The following ZNF467 variants were observed in gnomAD, a reference collection of about 807,000 sequenced individuals.
ZNF467 encodes zinc finger protein EZI.
ZNF467 carries 51 observed loss-of-function variants against 47.8 expected under a neutral mutation model. The ratio of observed to expected loss-of-function variants is 1.07; its 90% confidence interval spans 0.85 to 1.35. The LOEUF (loss-of-function observed/expected upper bound fraction) is 1.35, where lower values mean the gene tolerates loss of function less well. Ranked by LOEUF, ZNF467 falls within the 40% of genes most tolerant of loss-of-function variation. The pLI is 0.00. For missense variants in ZNF467, 992 were observed against 858.1 expected, an observed-to-expected ratio of 1.16 and a Z score of -1.95; for synonymous variants, 416 against 372.9, an observed-to-expected ratio of 1.12 and a Z score of -1.33.
intron 2 of ZNF467, 107 bp downstream of exon 2, chr7:149,770,892 G>A (rs1799381001): frequency 3.5e-6 from 5 of 1,418,666 alleles, no homozygotes; most frequent in Admixed American, 3.5e-5. Context: ...CAGGCCCCTG[G>A]GGCCTCAGGG....
rs1799079795 is a variant in ZNF467 at position 149,764,552 on chromosome 7, T to A, written c.*162A>T. 1 of 1,311,108 alleles carries A rather than the reference T, an allele frequency of 7.6e-7. No homozygotes were observed. Among genetic ancestry groups the A allele is most frequent in the South Asian group, 1.3e-5 (1 of 79,554 alleles). The allele number at this position is 1,311,108 out of a possible 1,614,324, so 81.2% of individuals were successfully genotyped here. A position where few individuals can be genotyped will look rare whatever the true frequency, so the allele number is the denominator to read the frequency against. On this transcript the variant is annotated 3_prime_UTR_variant, in exon 5 of 5. Coordinates refer to ENST00000302017, the MANE Select transcript of ZNF467 (RefSeq NM_207336.3). ...AGTCTCTGTCCTAGGAGGTCCGAGCTGGGTATGCTGTGCGGACGCAGACAC... is the reference window on the plus strand; with the variant it reads ...AGTCTCTGTCCTAGGAGGTCCGAGCAGGGTATGCTGTGCGGACGCAGACAC...
In ZNF467 at chr7:149,765,975, C is replaced by G. The variant is rs1252173262; in HGVS notation, c.527G>C (p.Arg176Pro). The G allele has an allele frequency of 1.9e-6, 3 of 1,554,538 alleles. No individual in the cohort carries two copies. Among genetic ancestry groups the G allele is most frequent in the Non-Finnish European group, 2.6e-6 (3 of 1,149,982 alleles). Reference protein sequence around the residue: ...ERRFRDQLTLRLHQRLHRGEG... With the variant: ...ERRFRDQLTLPLHQRLHRGEG... ...GCCCCGGTGCAGCCGCTGGTGCAGT[C>G]GCAACGTCAGCTGGTCCCGGAAGCG... Residue 176 changes from arginine to proline, a missense_variant, in exon 5 of 5, where the codon CGA (arginine) becomes CCA (proline). Physicochemically the swap from Arg to Pro is moderately radical, Grantham distance 103. Coordinates refer to ENST00000302017, the MANE Select transcript of ZNF467 (RefSeq NM_207336.3).
chr7:149,765,448 G>A lies in ZNF467; in HGVS notation c.1054C>T (p.Pro352Ser), dbSNP rs1198325441. The A allele has an allele frequency of 1.9e-6, 3 of 1,582,480 alleles. No homozygotes were observed. The highest frequency in any genetic ancestry group is 2.6e-6 in the Non-Finnish European group (3 of 1,165,196). Reference sequence around the variant, plus strand: ...CAGTCGGAGCACGCGAAAGGCTTTGGCCCGGGAAAGGATGGGGTCGGGGAC... The same window carrying A: ...CAGTCGGAGCACGCGAAAGGCTTTGACCCGGGAAAGGATGGGGTCGGGGAC... ...APSPTPSFPG[P>S]KPFACSDCGL... The change falls in exon 5 of 5, where the codon CCA becomes TCA. Residue 352 changes from proline (P) to serine (S), a missense_variant. By Grantham distance (74) the Pro-to-Ser change is moderately conservative. Transcript: ENST00000302017.
rs1283989626 is a variant in ZNF467 at position 149,770,570 on chromosome 7, A to T, written c.35-14T>A. 1 of 1,605,444 alleles carries T rather than the reference A, an allele frequency of 6.2e-7. No individual in the cohort carries two copies. Among genetic ancestry groups the T allele is most frequent in the Non-Finnish European group, 8.5e-7 (1 of 1,173,596 alleles). The stretch of plus-strand genomic sequence containing the variant: ...CCACAGAGAATCCTGTTACAGGCAG[A>T]AGGATGGGTCCAAGTAAAGCATCCA... On this transcript the variant is annotated splice_polypyrimidine_tract_variant and intron_variant, in intron 2 of 4. Transcript: ENST00000302017.
chr7:149,768,555 C>A (rs1212004021), intron 4 of ZNF467, among the ~76,000 whole-genome samples: 1 of 152,164 alleles, frequency 6.6e-6, no homozygotes, highest in Non-Finnish European at 1.5e-5. Context: ...TAAATGATAT[C>A]CCTCAGGCAA....
chr7:149,775,977 G>A, upstream of ZNF467: 15 of 1,260,680 alleles, frequency 1.2e-5, no homozygotes, highest in South Asian at 1.8e-4. Context: ...TGCCCTCTCT[G>A]CAGCATTGCC....
chr7:149,765,958 G>A lies in ZNF467; in HGVS notation c.544C>T (p.His182Tyr), dbSNP rs781157565. 1.4e-5 allele frequency: 22 copies of A among 1,552,428 alleles called. No individual in the cohort carries two copies. Among genetic ancestry groups the A allele is most frequent in the Non-Finnish European group, 1.5e-5 (17 of 1,149,144 alleles). ...CAGGCGCAGGGGCCCTCGCCCCGGT[G>A]CAGCCGCTGGTGCAGTCGCAACGTC... ...QLTLRLHQRLHRGEGPCACPD... is the reference protein window; with the variant it reads ...QLTLRLHQRLYRGEGPCACPD... Residue 182 changes from histidine to tyrosine, a missense_variant, in exon 5 of 5, where the codon CAC (histidine) becomes TAC (tyrosine). Transcript: ENST00000302017.
chr7:149,765,233 G>A lies in ZNF467; in HGVS notation c.1269C>T (p.Arg423=). The part of the protein sequence containing the change: ...GPGSDPVVPQ[R]APSGERSFFC... ...AGAAGGACCGCTCGCCCGAGGGGGC[G>A]CGCTGGGGCACCACGGGATCGGATC... The change falls in exon 5 of 5, where the codon CGC becomes CGT. Residue 423 remains arginine, a synonymous_variant. Transcript: ENST00000302017. 1 of 1,470,206 alleles carries A rather than the reference G, an allele frequency of 6.8e-7. No homozygotes were observed. The highest frequency in any genetic ancestry group is 9.0e-7 in the Non-Finnish European group (1 of 1,113,558). The allele number at this position is 1,470,206 out of a possible 1,614,324, so 91.1% of individuals were successfully genotyped here. A position where few individuals can be genotyped will look rare whatever the true frequency, so the allele number is the denominator to read the frequency against.
In ZNF467 at chr7:149,765,013, TGAAGCGGCGGCCGCACTGAGCGCAGGC is replaced by T. The variant is rs745935698; in HGVS notation, c.1462_1488del (p.Ala488_Phe496del). The T allele has an allele frequency of 1.3e-6, 2 of 1,581,354 alleles. No homozygotes were observed. Among genetic ancestry groups the T allele is most frequent in the Non-Finnish European group, 1.7e-6 (2 of 1,169,494 alleles). Reference sequence around the variant, plus strand: ...TGGCGGCCCAGGTGCGACTTGCGGCTGAAGCGGCGGCCGCACTGAGCGCAGGCGAAAGGCCTGGCGCCGCTGTGGGCC... The same window carrying T: ...TGGCGGCCCAGGTGCGACTTGCGGCTGAAAGGCCTGGCGCCGCTGTGGGCC... On this transcript the variant is annotated inframe_deletion, in exon 5 of 5. Transcript: ENST00000302017.
At position 149,764,306 on chromosome 7, in the gene ZNF467, C is replaced by G; in HGVS notation, c.*408G>C. 1.0e-4 allele frequency: 44 copies of G among 421,038 alleles called. No homozygotes were observed. In the South Asian group the frequency reaches 1.1e-3, roughly 10 times the overall value. 26.1% of individuals were successfully genotyped at this position (421,038 alleles called of 1,614,324 possible). ...GGTCTGTGTGTGGATGGAGGTGGGACAGTGGCTAAGGAGAGTCAGGTGTTC... is the reference window on the plus strand; with the variant it reads ...GGTCTGTGTGTGGATGGAGGTGGGAGAGTGGCTAAGGAGAGTCAGGTGTTC... On this transcript the variant is annotated 3_prime_UTR_variant, in exon 5 of 5. Transcript: ENST00000302017.
chr7:149,765,089 C>A lies in ZNF467; in HGVS notation c.1413G>T (p.Arg471=), dbSNP rs780979696. 1 of 1,469,992 alleles carries A rather than the reference C, an allele frequency of 6.8e-7. No individual in the cohort carries two copies. Among genetic ancestry groups the A allele is most frequent in the Admixed American group, 2.5e-5 (1 of 40,124 alleles). 91.1% of individuals were successfully genotyped at this position (1,469,992 alleles called of 1,614,324 possible). A position where few individuals can be genotyped will look rare whatever the true frequency, so the allele number is the denominator to read the frequency against. The stretch of plus-strand genomic sequence containing the variant: ...CCCTGGAGTGGGCGACCAGATTAGG[C>A]CGCGAGCCGAAGCGGCGGTCACACT... The part of the protein sequence containing the change: ...CTQCDRRFGS[R]PNLVAHSRAH... The change falls in exon 5 of 5, where the codon CGG becomes CGT. Residue 471 remains arginine, a synonymous_variant. Transcript: ENST00000302017.
At position 149,769,070 on chromosome 7, in the gene ZNF467, G is replaced by A. The variant is rs376640503; in HGVS notation, c.262+20C>T. ...CCTTGGCCTGAGCCCGTGGTGGGAT[G>A]AAGTGATGGGAAGACTCACCTGGGC... On this transcript the variant is annotated intron_variant, in intron 4 of 4. Transcript: ENST00000302017. This position sits in a 1 kb window ranked among gnomAD's most constrained non-coding sequence, Gnocchi z 5.3. 5.4e-5 allele frequency: 82 copies of A among 1,530,234 alleles called. No homozygotes were observed. Among genetic ancestry groups the A allele is most frequent in the Non-Finnish European group, 7.0e-5 (80 of 1,137,316 alleles). The allele number at this position is 1,530,234 out of a possible 1,614,324, so 94.8% of individuals were successfully genotyped here. A position where few individuals can be genotyped will look rare whatever the true frequency, so the allele number is the denominator to read the frequency against.
rs777138709 is a variant in ZNF467, at chr7:149,765,151, G to A, written c.1351C>T (p.Arg451Cys). 1.5e-5 allele frequency: 22 copies of A among 1,493,512 alleles called. 1 individual carries two copies. The South Asian group carries it at 2.6e-4, about 18-fold the overall frequency. The allele number at this position is 1,493,512 out of a possible 1,614,324, so 92.5% of individuals were successfully genotyped here. A position where few individuals can be genotyped will look rare whatever the true frequency, so the allele number is the denominator to read the frequency against. ...SHGQHLARHPRVHTGERPFAC... is the reference protein window; with the variant it reads ...SHGQHLARHPCVHTGERPFAC... ...AAGGGCCGTTCGCCCGTGTGCACGC[G>A]CGGGTGCCGCGCCAGGTGCTGCCCA... The change falls in exon 5 of 5, where the codon CGC becomes TGC. Residue 451 changes from arginine (R) to cysteine (C), a missense_variant. Physicochemically the swap from Arg to Cys is radical, Grantham distance 180 (BLOSUM62 -3). Transcript: ENST00000302017.
At chr7:149,775,706 AATACACACAC>A (rs760940792), upstream of ZNF467, among the ~76,000 whole-genome samples, 1 of 111,458 alleles carries the variant, frequency 9.0e-6, no homozygotes, top group African/African-American at 3.5e-5. Context: ...AGAGTGTGAA[AATACACACAC>A]ACACACACAC....
At chr7:149,766,334 G>T (rs1045870017) in intron 4 of ZNF467, 95 bp from the exon 5 acceptor site, 1 of 1,487,274 alleles carries the variant, frequency 6.7e-7, no homozygotes, top group Non-Finnish European at 8.9e-7. Context: ...CCGCGGTCTG[G>T]CTCTGCTCTC....
upstream of ZNF467, among the ~76,000 whole-genome samples, chr7:149,774,533 C>T (rs540232792): frequency 6.6e-6 from 1 of 152,324 alleles, no homozygotes; most frequent in South Asian, 2.1e-4. This position sits in a 1 kb window ranked among gnomAD's most constrained non-coding sequence, Gnocchi z 5.7. Context: ...GCTCCTGCTA[C>T]CACAGCCCAC....
chr7:149,765,277 C>A lies in ZNF467; in HGVS notation c.1225G>T (p.Gly409Ter). ...AAKPLASAPGGPGCGPGSDPV... is the reference protein window; with the variant it reads ...AAKPLASAPG ...TCGGATCCTGGGCCGCAGCCCGGTC[C>A]GCCAGGCGCGCTGGCCAGGGGCTTG... The change falls in exon 5 of 5, where the codon GGA becomes TGA. Residue 409 changes from glycine to a stop codon, truncating the protein, a stop_gained. Transcript: ENST00000302017. LOFTEE classifies it high-confidence loss of function. 6.8e-7 allele frequency: 1 copy of A among 1,460,198 alleles called. No homozygotes were observed. Among genetic ancestry groups the A allele is most frequent in the Admixed American group, 2.7e-5 (1 of 37,128 alleles). The allele number at this position is 1,460,198 out of a possible 1,614,324, so 90.5% of individuals were successfully genotyped here.
Position 149,764,467 on chromosome 7 carries a change from G to T in ZNF467, c.*247C>A, listed in dbSNP as rs1479743987. 1 of 707,452 alleles carries T rather than the reference G, an allele frequency of 1.4e-6. No individual in the cohort carries two copies. Among genetic ancestry groups the T allele is most frequent in the Admixed American group, 2.2e-5 (1 of 44,860 alleles). 43.8% of individuals were successfully genotyped at this position (707,452 alleles called of 1,614,324 possible). On this transcript the variant is annotated 3_prime_UTR_variant, in exon 5 of 5. Transcript: ENST00000302017. ...CGGGAAATATCTGCTTTCCAACGGG[G>T]CACCTGGGTGGGAGCCTTCCAAGAA...
intron 3 of ZNF467, 28 bp downstream of exon 3, chr7:149,770,412 G>T (rs1206990122): frequency 1.3e-6 from 2 of 1,569,404 alleles, no homozygotes; most frequent in Admixed American, 3.4e-5. Flanking sequence ...ACTCCTCCCT[G>T]AGCCTTTCCA....
Sources: gnomAD v4.1 joint callset for allele counts (sites outside exome capture counted in the v4.1 genomes callset) on GRCh38, gnomAD v4.1.1 for gene constraint, Gnocchi (gnomAD v3.1) non-coding constraint, MANE v1.5 for transcripts, NCBI Gene and HGNC (gene_info 2026-07-23, HGNC 2026-07-21) for gene names.